Variants in CREM observed in about 807,000 individuals in gnomAD.
CREM encodes the protein cAMP responsive element modulator.
Under a neutral mutation model 37.3 loss-of-function variants are expected in CREM, and 13 were observed. The observed-to-expected ratio is 0.35, with a 90% CI of 0.23 to 0.55. CREM has a LOEUF of 0.55. Among genes scored for constraint, CREM ranks in the 20% least tolerant of loss-of-function variants. The pLI is 0.88. For missense variants in CREM, 296 were observed against 362.3 expected, an observed-to-expected ratio of 0.82 and a Z score of 1.49; for synonymous variants, 124 against 120.2, an observed-to-expected ratio of 1.03 and a Z score of -0.21.
At chr10:35,207,763 C>A (rs1451010809) in intron 7 of CREM, among the ~76,000 whole-genome samples, 8 of 149,438 alleles carry the variant, frequency 5.4e-5, no homozygotes, top group Non-Finnish European at 9.0e-5. Context: ...GACAGTGAGA[C>A]TCCGTCTTAA....
chr10:35,179,173 TC>T lies in CREM; in HGVS notation c.309del (p.Lys104ArgfsTer36). On this transcript the variant is annotated frameshift_variant, in exon 5 of 8. Transcript: ENST00000685392. LOFTEE classifies it high-confidence loss of function. Reference sequence around the variant, plus strand: ...AACTGTCCTCTGATGTGCCTGGTGTTCCCAAGATTGAAGAAGAGAGATCAGA... The same window carrying T: ...AACTGTCCTCTGATGTGCCTGGTGTTCCAAGATTGAAGAAGAGAGATCAGA... ...NELSSDVPGVPKIEEERSEEE... is the reference protein window; with the variant it reads ...NELSSDVPGVXKIEEERSEEE... The T allele has an allele frequency of 6.2e-7, 1 of 1,613,930 alleles. No individual in the cohort carries two copies. The highest frequency in any genetic ancestry group is 1.3e-5 in the African/African-American group (1 of 75,032).
intron 5 of CREM, among the ~76,000 whole-genome samples, chr10:35,185,067 T>A (rs114534457): frequency 3.1e-3 from 375 of 119,886 alleles, no homozygotes; most frequent in African/African-American, 0.012. Flanking sequence ...TCATTCATTC[T>A]ATTTTTTGAG....
intron 3 of CREM, among the ~76,000 whole-genome samples, chr10:35,162,059 A>T (rs576983881): frequency 1.3e-5 from 2 of 152,366 alleles, no homozygotes; most frequent in Admixed American, 6.5e-5. Context: ...TAAAGAAAGT[A>T]TGGTATGTAT....
rs553862436 is a variant in CREM, at chr10:35,212,734, G to A, written c.*1336G>A. 1.3e-5 allele frequency: 2 copies of A among 152,722 alleles called. No individual in the cohort carries two copies. Among genetic ancestry groups the A allele is most frequent in the African/African-American group, 4.8e-5 (2 of 41,544 alleles). 9.5% of individuals were successfully genotyped at this position (152,722 alleles called of 1,614,324 possible). Reference sequence around the variant, plus strand: ...GGTGGTCTGGAGCTGTCCGGCTGGTGGCCCCCTATTTTGCCATTTAGCGAA... The same window carrying A: ...GGTGGTCTGGAGCTGTCCGGCTGGTAGCCCCCTATTTTGCCATTTAGCGAA... On this transcript the variant is annotated 3_prime_UTR_variant, in exon 8 of 8. Coordinates refer to ENST00000685392, the MANE Select transcript of CREM (RefSeq NM_183011.2).
At chr10:35,191,002 T>G (rs1168831529) in intron 6 of CREM, among the ~76,000 whole-genome samples, 2 of 152,150 alleles carry the variant, frequency 1.3e-5, no homozygotes, top group Non-Finnish European at 2.9e-5. Context: ...GTCTTCATAA[T>G]GTTAAGTTGA....
intron 6 of CREM, among the ~76,000 whole-genome samples, chr10:35,189,478 A>G (rs2094812262): frequency 6.6e-6 from 1 of 151,638 alleles, no homozygotes; most frequent in African/African-American, 2.4e-5. Flanking sequence ...TATTTTTTAA[A>G]AATTTGCTTG....
At chr10:35,179,066 T>G (rs938411422) in intron 4 of CREM, 68 bp from the exon 5 acceptor site, 4 of 1,537,574 alleles carry the variant, frequency 2.6e-6, no homozygotes, top group Non-Finnish European at 3.5e-6. Context: ...AATTCTTCCT[T>G]TATAGCTTTT....
chr10:35,154,215 T>A, intron 3 of CREM: 1 of 396,026 alleles, frequency 2.5e-6, no homozygotes, highest in East Asian at 3.6e-5. Flanking sequence ...GAATGGCATT[T>A]CTCTGTTTTG....
intron 1 of CREM, chr10:35,127,702 G>A (rs2088171211): frequency 6.6e-6 from 1 of 152,298 alleles, no homozygotes. Context: ...TTCGGTCCCG[G>A]GCGCGGGCAG....
chr10:35,162,333 G>A (rs1377304037), intron 3 of CREM, among the ~76,000 whole-genome samples: 1 of 152,144 alleles, frequency 6.6e-6, no homozygotes, highest in Non-Finnish European at 1.5e-5. Context: ...GGAGGAATGA[G>A]TTCAAGAGAG....
At chr10:35,203,495 C>T (rs1424816826) in intron 6 of CREM, among the ~76,000 whole-genome samples, 1 of 151,994 alleles carries the variant, frequency 6.6e-6, no homozygotes, top group African/African-American at 2.4e-5. Context: ...AGTTCGAGAC[C>T]AGCCTGGCCA....
chr10:35,190,101 T>A (rs2094846522), intron 6 of CREM, among the ~76,000 whole-genome samples: 1 of 152,260 alleles, frequency 6.6e-6, no homozygotes, highest in Non-Finnish European at 1.5e-5. Flanking sequence ...TAATTATTTC[T>A]TCTCATTTTA....
At chr10:35,193,840 C>G (rs1010253164) in intron 6 of CREM, among the ~76,000 whole-genome samples, 2 of 152,032 alleles carry the variant, frequency 1.3e-5, no homozygotes, top group Non-Finnish European at 2.9e-5. Context: ...TGGCTCACAC[C>G]TGTAATCCCA....
chr10:35,127,207 CG>C lies in CREM; in HGVS notation c.-55+16del, dbSNP rs1479584110. The C allele has an allele frequency of 6.5e-6, 1 of 152,944 alleles. No individual in the cohort carries two copies. Among genetic ancestry groups the C allele is most frequent in the African/African-American group, 2.4e-5 (1 of 41,414 alleles). 9.5% of individuals were successfully genotyped at this position (152,944 alleles called of 1,614,324 possible). On this transcript the variant is annotated intron_variant, in intron 1 of 7. Coordinates refer to ENST00000685392, the MANE Select transcript of CREM (RefSeq NM_183011.2). ...CCTTTGCGGCGGGTAAGTGGTGCGTCGGCTCCGGCCCCGAGACCCAGCAGCG... is the reference window on the plus strand; with the variant it reads ...CCTTTGCGGCGGGTAAGTGGTGCGTCGCTCCGGCCCCGAGACCCAGCAGCG...
At chr10:35,196,177 G>A (rs1023854873) in intron 6 of CREM, 3 of 1,472,876 alleles carry the variant, frequency 2.0e-6, no homozygotes, top group African/African-American at 2.8e-5. Flanking sequence ...TAAGCTGGCG[G>A]GTTCTTTACT....
intron 6 of CREM, chr10:35,195,920 AT>A: frequency 1.4e-6 from 1 of 735,280 alleles, no homozygotes; most frequent in South Asian, 1.7e-5. Flanking sequence ...CTGCTGACAG[AT>A]TTAGAGTTAA....
intron 5 of CREM, among the ~76,000 whole-genome samples, chr10:35,183,186 T>C (rs1164138737): frequency 6.6e-6 from 1 of 152,086 alleles, no homozygotes; most frequent in Non-Finnish European, 1.5e-5. Flanking sequence ...GGAATCTTAT[T>C]AGAGTATTAA....
chr10:35,192,772 G>T (rs1440316293), intron 6 of CREM, among the ~76,000 whole-genome samples: 3 of 152,154 alleles, frequency 2.0e-5, no homozygotes, highest in African/African-American at 7.2e-5. Context: ...TTCAACAGAG[G>T]AAATTGGGTG....
At chr10:35,158,910 T>G (rs2093116578) in intron 3 of CREM, among the ~76,000 whole-genome samples, 1 of 151,608 alleles carries the variant, frequency 6.6e-6, no homozygotes, top group Admixed American at 6.6e-5. Context: ...TATTTTTATA[T>G]GCCTTTTGGT....
Sources: gnomAD v4.1 joint callset for allele counts (sites outside exome capture counted in the v4.1 genomes callset) on GRCh38, gnomAD v4.1.1 for gene constraint, MANE v1.5 for transcripts, NCBI Gene and HGNC (gene_info 2026-07-23, HGNC 2026-07-21) for gene names.